CSRNP3: variants seen among roughly 807,000 people sequenced by gnomAD.
The protein encoded by CSRNP3 is cysteine and serine rich nuclear protein 3.
In CSRNP3, 12 loss-of-function variants were observed where a neutral mutation model predicts 48.0. That is an observed-to-expected ratio of 0.25 (90% CI 0.16 to 0.41). The LOEUF is 0.41. Ranked by LOEUF, CSRNP3 falls within the 10% of genes least tolerant of loss-of-function variation. CSRNP3 has a pLI of 1.00. For missense variants in CSRNP3, 580 were observed against 724.4 expected (o/e 0.80, Z 2.29); for synonymous variants, 263 against 269.7 (o/e 0.98, Z 0.24).
chr2:165,673,910 A>G (rs1371106375), intron 5 of CSRNP3, among the ~76,000 whole-genome samples: 1 of 152,088 alleles, frequency 6.6e-6, no homozygotes, highest in African/African-American at 2.4e-5. Flanking sequence ...AATCCCAGCT[A>G]CTCAGGAGGC....
At chr2:165,515,515 C>T (rs550685269) in intron 2 of CSRNP3, among the ~76,000 whole-genome samples, 1 of 151,326 alleles carries the variant, frequency 6.6e-6, no homozygotes, top group Non-Finnish European at 1.5e-5. Flanking sequence ...TAATTTTTTT[C>T]TTTAGATTTA....
chr2:165,495,748 TA>T (rs1349211359), intron 2 of CSRNP3, among the ~76,000 whole-genome samples: 1 of 152,070 alleles, frequency 6.6e-6, no homozygotes, highest in African/African-American at 2.4e-5. Flanking sequence ...ATGATAGGTG[TA>T]AACTTCCTTT....
chr2:165,572,294 C>T (rs532702087), intron 3 of CSRNP3: 28 of 152,140 alleles, frequency 1.8e-4, no homozygotes, highest in African/African-American at 6.7e-4. Context: ...CAGTGGCACG[C>T]CTGGCTCTCT....
chr2:165,544,382 T>G (rs935016373), intron 3 of CSRNP3, among the ~76,000 whole-genome samples: 5 of 152,274 alleles, frequency 3.3e-5, no homozygotes, highest in African/African-American at 9.6e-5. Context: ...TGGACCTAGT[T>G]ATATGGTTCT....
In CSRNP3 at chr2:165,673,131, CTTTT is replaced by C. The variant is rs3032370; in HGVS notation, c.409-3160_409-3157del. ...AGCAAGAGTGAAACAGTATGTAGCTCTTTTTTTTTTTTTTTTTTTTTTTTGAGAC... is the reference window on the plus strand; with the variant it reads ...AGCAAGAGTGAAACAGTATGTAGCTCTTTTTTTTTTTTTTTTTTTTGAGAC... On this transcript the variant is annotated intron_variant, in intron 5 of 6. Coordinates refer to ENST00000651982, the MANE Select transcript of CSRNP3 (RefSeq NM_001172173.2). Among the ~76,000 whole-genome samples, 122 of 67,116 alleles carry C rather than the reference CTTTT, an allele frequency of 1.8e-3. 2 individuals are homozygous for C. The East Asian group carries it at 0.055, about 30-fold the overall frequency. The allele number at this position is 67,116 out of a possible 152,430, so 44.0% of individuals were successfully genotyped here. A position where few individuals can be genotyped will look rare whatever the true frequency, so the allele number is the denominator to read the frequency against.
At chr2:165,629,498 C>G (rs1686496493) in intron 4 of CSRNP3, among the ~76,000 whole-genome samples, 1 of 152,146 alleles carries the variant, frequency 6.6e-6, no homozygotes, top group South Asian at 2.1e-4. Flanking sequence ...CGCTATGAAT[C>G]CAGGGGTACA....
rs558909838 is a variant in CSRNP3, at chr2:165,625,013, G to A, written c.148+29800G>A. ...GCCCCTCAGATATATGTGCCACATT[G>A]TGTTTTTAGAGAAGTCATGCAGAAC... is the stretch of plus-strand genomic sequence containing the variant. On this transcript the variant is annotated intron_variant, in intron 4 of 6. Transcript: ENST00000651982. 3.3e-5 allele frequency among the ~76,000 whole-genome samples: 5 copies of A among 152,324 alleles called. No homozygotes were observed. In the South Asian group the frequency reaches 6.2e-4, roughly 19 times the overall value.
chr2:165,542,620 A>T (rs1249880660), intron 3 of CSRNP3, among the ~76,000 whole-genome samples: 1 of 152,120 alleles, frequency 6.6e-6, no homozygotes, highest in Non-Finnish European at 1.5e-5. Context: ...TCAATTCCTT[A>T]TTACTGAATA....
At chr2:165,531,341 C>G (rs1389129608) in intron 3 of CSRNP3, among the ~76,000 whole-genome samples, 1 of 152,154 alleles carries the variant, frequency 6.6e-6, no homozygotes, top group Non-Finnish European at 1.5e-5. Context: ...TGACACCAAT[C>G]CATACTAATG....
intron 3 of CSRNP3, among the ~76,000 whole-genome samples, chr2:165,547,573 CT>C (rs911003528): frequency 2.2e-4 from 33 of 148,248 alleles, no homozygotes; most frequent in African/African-American, 4.9e-4. Flanking sequence ...GTTTGAATTT[CT>C]TTTTTTTTTA....
At chr2:165,559,508 A>T (rs1012156400) in intron 3 of CSRNP3, among the ~76,000 whole-genome samples, 3 of 152,288 alleles carry the variant, frequency 2.0e-5, no homozygotes, top group East Asian at 1.9e-4. Context: ...GATATTTTTT[A>T]AAAAATGAAC....
chr2:165,585,339 C>T (rs754316094), intron 3 of CSRNP3, among the ~76,000 whole-genome samples: 23 of 151,818 alleles, frequency 1.5e-4, no homozygotes, highest in African/African-American at 5.1e-4. Flanking sequence ...GATAATTTGA[C>T]GTTGTGAATA....
At chr2:165,552,609 C>A (rs1050630168) in intron 3 of CSRNP3, among the ~76,000 whole-genome samples, 2 of 152,166 alleles carry the variant, frequency 1.3e-5, no homozygotes, top group African/African-American at 2.4e-5. Flanking sequence ...TCCTGAGACC[C>A]TCTATCACCT....
At chr2:165,486,413 C>CGGG in intron 1 of CSRNP3, among the ~76,000 whole-genome samples, 1 of 150,942 alleles carries the variant, frequency 6.6e-6, no homozygotes, top group Non-Finnish European at 1.5e-5. Flanking sequence ...AACAAAGCAG[C>CGGG]CAGGAAGCTC....
Position 165,595,065 on chromosome 2 carries a change from G to A in CSRNP3, c.-1G>A, listed in dbSNP as rs73972107. On this transcript the variant is annotated 5_prime_UTR_variant, in exon 4 of 7. Coordinates refer to ENST00000651982, the MANE Select transcript of CSRNP3 (RefSeq NM_001172173.2). ...CAGGTACATGTGACAGCACTGCAGC[G>A]ATGAGTGGAATTTTAAAGAGGAAGT... 4.8e-4 allele frequency: 771 copies of A among 1,613,990 alleles called. 6 individuals are homozygous for A. In the African/African-American group the frequency reaches 8.4e-3, roughly 18 times the overall value.
intron 4 of CSRNP3, among the ~76,000 whole-genome samples, chr2:165,630,388 C>G (rs1250590015): frequency 6.6e-6 from 1 of 152,148 alleles, no homozygotes; most frequent in Non-Finnish European, 1.5e-5. Context: ...TTGCCTTTCC[C>G]TCTTTTCCTG....
intron 3 of CSRNP3, among the ~76,000 whole-genome samples, chr2:165,555,646 A>G (rs945346819): frequency 2.0e-5 from 3 of 152,226 alleles, no homozygotes; most frequent in Non-Finnish European, 4.4e-5. Context: ...GGATGGTTAC[A>G]TAGGTGAGAA....
At chr2:165,550,161 A>T (rs1368335559) in intron 3 of CSRNP3, among the ~76,000 whole-genome samples, 4 of 152,218 alleles carry the variant, frequency 2.6e-5, no homozygotes, top group African/African-American at 7.2e-5. Context: ...CAAGGACATT[A>T]ATAAAAAATC....
intron 3 of CSRNP3, among the ~76,000 whole-genome samples, chr2:165,573,747 A>G (rs1685406171): frequency 6.6e-6 from 1 of 152,196 alleles, no homozygotes; most frequent in Admixed American, 6.5e-5. Flanking sequence ...TTGTGTAGTG[A>G]CTAATATAAA....
Sources: gnomAD v4.1 joint callset for allele counts (sites outside exome capture counted in the v4.1 genomes callset) on GRCh38, gnomAD v4.1.1 for gene constraint, MANE v1.5 for transcripts, NCBI Gene and HGNC (gene_info 2026-07-23, HGNC 2026-07-21) for gene names.